Variants in PCDH11X observed in about 807,000 individuals in gnomAD.
The protein encoded by PCDH11X is protocadherin 11 X-linked.
Under a neutral mutation model 53.3 loss-of-function variants are expected in PCDH11X, and 18 were observed. The ratio of observed to expected loss-of-function variants is 0.34; its 90% CI spans 0.23 to 0.50. The LOEUF (loss-of-function observed/expected upper bound fraction) is 0.50, where lower values mean the gene tolerates loss of function less well. Ranked by LOEUF, PCDH11X falls within the 20% of genes least tolerant of loss-of-function variation. PCDH11X has a pLI of 0.98. For missense variants in PCDH11X, 570 were observed against 1,032.4 expected (o/e 0.55, Z 6.14); for synonymous variants, 279 against 393.3 (o/e 0.71, Z 3.44).
At chrX:92,228,705 A>G (rs1015317013) in intron 7 of PCDH11X, among the ~76,000 whole-genome samples, 1 of 111,844 alleles carries the variant, frequency 8.9e-6, no homozygotes, top group Non-Finnish European at 1.9e-5. Context: ...AATTAAGCCA[A>G]TGCTGACAGC....
At chrX:92,166,704 C>T (rs1187278908) in intron 6 of PCDH11X, among the ~76,000 whole-genome samples, 1 of 109,299 alleles carries the variant, frequency 9.1e-6, no homozygotes, top group African/African-American at 3.3e-5. Context: ...TGGAGACCAG[C>T]CCAGTCAACC....
chrX:92,106,104 C>T (rs1602939271), intron 6 of PCDH11X, among the ~76,000 whole-genome samples: 1 of 110,280 alleles, frequency 9.1e-6, no homozygotes, highest in South Asian at 3.8e-4. Flanking sequence ...AATGAAAAAT[C>T]TTTCACACAT....
intron 4 of PCDH11X, among the ~76,000 whole-genome samples, chrX:91,824,638 G>C (rs1321160248): frequency 9.9e-6 from 1 of 101,440 alleles, no homozygotes; most frequent in Non-Finnish European, 1.9e-5. Flanking sequence ...CTGTAGCTCA[G>C]AGTAATTTGA....
chrX:91,996,201 C>G (rs1264295762), intron 6 of PCDH11X, among the ~76,000 whole-genome samples: 1 of 88,806 alleles, frequency 1.1e-5, no homozygotes, highest in African/African-American at 4.4e-5. Context: ...GGCTGGAGTG[C>G]AATGGTGCAA....
intron 6 of PCDH11X, among the ~76,000 whole-genome samples, chrX:92,103,213 G>A (rs1388383630): frequency 9.1e-6 from 1 of 110,460 alleles, no homozygotes; most frequent in Admixed American, 9.7e-5. Flanking sequence ...AAAATATCTC[G>A]GCCTAATAAG....
intron 8 of PCDH11X, among the ~76,000 whole-genome samples, chrX:92,333,062 A>G (rs1433650324): frequency 9.1e-6 from 1 of 110,312 alleles, no homozygotes. Context: ...GGGAGGCAAC[A>G]GAAGGAATTA....
At chrX:91,894,656 C>A (rs1286090495) in intron 6 of PCDH11X, among the ~76,000 whole-genome samples, 1 of 111,265 alleles carries the variant, frequency 9.0e-6, no homozygotes, top group Non-Finnish European at 1.9e-5. Context: ...TGCCTTAACT[C>A]TATTTCTACC....
intron 10 of PCDH11X, among the ~76,000 whole-genome samples, chrX:92,606,345 C>A (rs912575241): frequency 9.1e-6 from 1 of 109,407 alleles, no homozygotes; most frequent in Non-Finnish European, 1.9e-5. Context: ...GATAACTAAG[C>A]CTTTTCCATT....
intron 6 of PCDH11X, among the ~76,000 whole-genome samples, chrX:91,967,699 G>A (rs1391460308): frequency 4.5e-5 from 5 of 111,353 alleles, no homozygotes; most frequent in African/African-American, 1.6e-4. Flanking sequence ...AAAAAAGGAA[G>A]ACCCCCCTAG....
chrX:92,314,150 A>G (rs1369111875), intron 8 of PCDH11X, among the ~76,000 whole-genome samples: 4 of 112,640 alleles, frequency 3.6e-5, no homozygotes, highest in African/African-American at 1.3e-4. Context: ...AAACACAAAG[A>G]TATCGTACAG....
intron 6 of PCDH11X, among the ~76,000 whole-genome samples, chrX:92,111,733 A>C (rs1368142109): frequency 1.8e-5 from 2 of 108,219 alleles, no homozygotes; most frequent in Non-Finnish European, 1.9e-5. Flanking sequence ...TCACAACCCC[A>C]CTCTAATTCT....
rs778289017 is a variant in PCDH11X, at chrX:92,103,459, G to A, written c.3034-97916G>A. ...CACTGTGAGTTACCTAAAGCTCGGC[G>A]TCCGTGATGGTCTACGGGGCTTCTG... is the stretch of plus-strand genomic sequence containing the variant. On this transcript the variant is annotated intron_variant, in intron 6 of 10. Coordinates refer to ENST00000682573, the MANE Select transcript of PCDH11X (RefSeq NM_032968.5). 4.5e-5 allele frequency among the ~76,000 whole-genome samples: 5 copies of A among 111,197 alleles called. No homozygotes were observed. In the East Asian group the frequency reaches 1.1e-3, roughly 25 times the overall value.
At chrX:92,145,309 A>C (rs2065251090) in intron 6 of PCDH11X, among the ~76,000 whole-genome samples, 3 of 111,648 alleles carry the variant, frequency 2.7e-5, no homozygotes, top group Non-Finnish European at 3.8e-5. Context: ...GAGCCCAAAT[A>C]TCTACAGCTT....
intron 6 of PCDH11X, among the ~76,000 whole-genome samples, chrX:92,097,702 G>C (rs1306776750): frequency 1.1e-4 from 12 of 110,014 alleles, no homozygotes; most frequent in Non-Finnish European, 1.5e-4. Context: ...TTTTATTTAT[G>C]TATCTGCTAT....
chrX:92,113,794 A>G (rs1173111259), intron 6 of PCDH11X: 12 of 1,192,185 alleles, frequency 1.0e-5, no homozygotes, highest in Non-Finnish European at 1.3e-5. Context: ...CTTCTTGATC[A>G]CCTCAAGCAC....
intron 5 of PCDH11X, among the ~76,000 whole-genome samples, chrX:91,850,921 C>A (rs1371355545): frequency 9.0e-6 from 1 of 111,472 alleles, no homozygotes; most frequent in Non-Finnish European, 1.9e-5. Context: ...ATTGTATAAC[C>A]CTTAACTGTC....
At chrX:92,123,188 C>A (rs1325229029) in intron 6 of PCDH11X, among the ~76,000 whole-genome samples, 1 of 111,392 alleles carries the variant, frequency 9.0e-6, no homozygotes, top group Non-Finnish European at 1.9e-5. Flanking sequence ...AACCAATTTT[C>A]TCTACCAAGT....
At chrX:92,309,960 T>A (rs754355125) in intron 8 of PCDH11X, among the ~76,000 whole-genome samples, 2 of 112,355 alleles carry the variant, frequency 1.8e-5, no homozygotes, top group African/African-American at 3.2e-5. Context: ...AATTGCATTA[T>A]TAATTTTTTA....
intron 6 of PCDH11X, among the ~76,000 whole-genome samples, chrX:92,070,809 G>A (rs1400870615): frequency 1.8e-5 from 2 of 110,148 alleles, no homozygotes; most frequent in Admixed American, 1.9e-4. Flanking sequence ...CTTTTTTGTT[G>A]TTGTTTTTGA....
Sources: gnomAD v4.1 joint callset for allele counts (sites outside exome capture counted in the v4.1 genomes callset) on GRCh38, gnomAD v4.1.1 for gene constraint, MANE v1.5 for transcripts, NCBI Gene and HGNC (gene_info 2026-07-23, HGNC 2026-07-21) for gene names.